The following JPH2 variants were observed in gnomAD, a reference collection of about 807,000 sequenced individuals.
JPH2 encodes junctophilin-2.
A neutral mutation model predicts 55.9 loss-of-function variants in JPH2; 38 were observed. The observed-to-expected ratio is 0.68, with a 90% CI of 0.52 to 0.89. The LOEUF (loss-of-function observed/expected upper bound fraction) is 0.89, where lower values mean the gene tolerates loss of function less well. Ranked by LOEUF, JPH2 falls within the 40% of genes least tolerant of loss-of-function variation. The pLI, the probability that JPH2 is intolerant of heterozygous loss-of-function variation, is 0.00. For missense variants in JPH2, 964 were observed against 1,037.6 expected, an observed-to-expected ratio of 0.93 and a Z score of 0.97; for synonymous variants, 480 against 472.4, an observed-to-expected ratio of 1.02 and a Z score of -0.21.
rs2072209193 is a variant in JPH2, at chr20:44,118,414, C to T, written c.1288+91G>A. 8 of 1,013,588 alleles carry T rather than the reference C, an allele frequency of 7.9e-6. No homozygotes were observed. In the South Asian group the frequency reaches 1.0e-4, roughly 13 times the overall value. The allele number at this position is 1,013,588 out of a possible 1,614,324, so 62.8% of individuals were successfully genotyped here. ...CTGAGACTCACGGGCATCCAGGAAA[C>T]CACTTGGGCATCTCAGATTCCAGTA... On this transcript the variant is annotated intron_variant, in intron 3 of 5. Transcript: ENST00000372980.
In JPH2 at chr20:44,115,723, T is replaced by C; in HGVS notation, c.1952A>G (p.Lys651Arg). ...TGCGGCCTCCTTCCGCGCCTTCTTCTTGGCCCCCGCCTTGGTCAGCCCTCG... is the reference window on the plus strand; with the variant it reads ...TGCGGCCTCCTTCCGCGCCTTCTTCCTGGCCCCCGCCTTGGTCAGCCCTCG... Reference protein sequence around the residue: ...EARGLTKAGAKKKARKEAALA... With the variant: ...EARGLTKAGARKKARKEAALA... Residue 651 changes from lysine to arginine, a missense_variant, in exon 4 of 6, where the codon AAG becomes AGG. Lys to Arg is a conservative substitution (Grantham distance 26). Transcript: ENST00000372980. The C allele has an allele frequency of 6.2e-7, 1 of 1,613,662 alleles. No homozygotes were observed. Among genetic ancestry groups the C allele is most frequent in the Non-Finnish European group, 8.5e-7 (1 of 1,180,000 alleles).
At chr20:44,181,991 G>T (rs1337421941) in intron 1 of JPH2, among the ~76,000 whole-genome samples, 1 of 152,194 alleles carries the variant, frequency 6.6e-6, no homozygotes, top group African/African-American at 2.4e-5. Flanking sequence ...TTTACTGGAT[G>T]AATTAATAAT....
At chr20:44,163,049 T>C (rs1207856857) in intron 1 of JPH2, among the ~76,000 whole-genome samples, 4 of 151,986 alleles carry the variant, frequency 2.6e-5, no homozygotes, top group African/African-American at 7.3e-5. Context: ...ATTTTTCCCA[T>C]AGCACGTATC....
At chr20:44,158,646 T>C (rs1356228255) in intron 2 of JPH2, among the ~76,000 whole-genome samples, 7 of 152,168 alleles carry the variant, frequency 4.6e-5, no homozygotes, top group African/African-American at 1.4e-4. Context: ...GGTTTGAATG[T>C]AGATGATAGG....
intron 1 of JPH2, 54 bp downstream of exon 1, chr20:44,186,273 T>G: frequency 3.2e-6 from 5 of 1,586,766 alleles, no homozygotes; most frequent in Non-Finnish European, 4.3e-6. Flanking sequence ...TCCACCAGGG[T>G]TTCTCACCCT....
In JPH2 at chr20:44,186,346, G is replaced by A. The variant is rs1395814897; in HGVS notation, c.360C>T (p.Thr120=). Residue 120 remains threonine (T), a synonymous_variant, in exon 1 of 6, where the codon ACC becomes ACT. Transcript: ENST00000372980. Reference sequence around the variant, plus strand: ...CCTCACCTCCATCAGCATAGGTCTCGGTGCCATAGCCGTCTTGCAGGCCAT... The same window carrying A: ...CCTCACCTCCATCAGCATAGGTCTCAGTGCCATAGCCGTCTTGCAGGCCAT... ...WNNGLQDGYG[T]ETYADGGTYQ... The A allele has an allele frequency of 1.2e-6, 2 of 1,611,824 alleles. No individual in the cohort carries two copies. The highest frequency in any genetic ancestry group is 1.7e-6 in the Non-Finnish European group (2 of 1,179,926).
intron 3 of JPH2, among the ~76,000 whole-genome samples, chr20:44,117,431 T>C (rs1244683709): frequency 6.6e-6 from 1 of 152,250 alleles, no homozygotes; most frequent in Non-Finnish European, 1.5e-5. Context: ...CAGCCTACTT[T>C]GTGATGTGGC....
intron 2 of JPH2, among the ~76,000 whole-genome samples, chr20:44,157,086 C>T (rs189036919): frequency 7.8e-4 from 118 of 152,250 alleles, no homozygotes; most frequent in African/African-American, 2.7e-3. Flanking sequence ...ATTCATTGTA[C>T]GATGACAATG....
Position 44,156,051 on chromosome 20 carries a change from T to C in JPH2, c.1169+3567A>G, listed in dbSNP as rs535438695. On this transcript the variant is annotated intron_variant, in intron 2 of 5. Transcript: ENST00000372980. The stretch of plus-strand genomic sequence containing the variant: ...ACCCTGCCTCAAAAAAAAAAAAAAC[T>C]GTCAAGGACACACAAAAAAAGCAAA... Among the ~76,000 whole-genome samples the C allele has an allele frequency of 1.2e-3, 158 of 129,100 alleles. 1 individual carries two copies. Among genetic ancestry groups the C allele is most frequent in the African/African-American group, 4.2e-3 (152 of 35,898 alleles). 84.7% of individuals were successfully genotyped at this position (129,100 alleles called of 152,430 possible). A position where few individuals can be genotyped will look rare whatever the true frequency, so the allele number is the denominator to read the frequency against.
At chr20:44,131,712 G>C (rs2072320522) in intron 2 of JPH2, among the ~76,000 whole-genome samples, 1 of 152,070 alleles carries the variant, frequency 6.6e-6, no homozygotes. Flanking sequence ...TCATTTAATT[G>C]TTCAACCATT....
intron 1 of JPH2, among the ~76,000 whole-genome samples, chr20:44,184,619 T>A (rs190855650): frequency 1.3e-3 from 196 of 152,220 alleles, no homozygotes; most frequent in Non-Finnish European, 2.0e-3. Context: ...CTTAGCTAAG[T>A]GATATGTCCA....
rs113991343 is a variant in JPH2, at chr20:44,185,469, A to AAAAT, written c.379+857_379+858insATTT. 3.6e-3 allele frequency among the ~76,000 whole-genome samples: 542 copies of AAAAT among 149,688 alleles called. 12 individuals carry two copies. In the East Asian group the frequency reaches 0.049, roughly 13 times the overall value. ...AAAAGCCCTGTCTCTACAAAAAAAAAAATAATAATACAAAAATTAGCCAGG... is the reference window on the plus strand; with the variant it reads ...AAAAGCCCTGTCTCTACAAAAAAAAAAAATAATAATAATACAAAAATTAGCCAGG... On this transcript the variant is annotated intron_variant, in intron 1 of 5. Coordinates refer to ENST00000372980, the MANE Select transcript of JPH2 (RefSeq NM_020433.5).
chr20:44,129,089 T>C (rs1600836958), intron 2 of JPH2, among the ~76,000 whole-genome samples: 1 of 151,966 alleles, frequency 6.6e-6, no homozygotes, highest in East Asian at 1.9e-4. Context: ...GTAAGGGTGG[T>C]GTTGGGGATT....
intron 2 of JPH2, among the ~76,000 whole-genome samples, chr20:44,148,990 C>A (rs932286546): frequency 4.6e-5 from 7 of 151,584 alleles, no homozygotes; most frequent in African/African-American, 1.7e-4. Context: ...TGGCGTGAAC[C>A]TGGTAGGCGG....
intron 1 of JPH2, among the ~76,000 whole-genome samples, chr20:44,166,871 C>T (rs945737860): frequency 3.3e-5 from 5 of 152,224 alleles, no homozygotes; most frequent in Non-Finnish European, 5.9e-5. Flanking sequence ...GCTTTGTAAA[C>T]CCTGCAGGGC....
At chr20:44,175,414 C>A (rs557426330) in intron 1 of JPH2, among the ~76,000 whole-genome samples, 3 of 152,368 alleles carry the variant, frequency 2.0e-5, no homozygotes, top group East Asian at 1.9e-4. Flanking sequence ...ATTTAGACTG[C>A]GTTACATTTT....
intron 1 of JPH2, among the ~76,000 whole-genome samples, chr20:44,167,000 C>T (rs1256996806): frequency 1.3e-5 from 2 of 152,194 alleles, no homozygotes; most frequent in Non-Finnish European, 2.9e-5. Flanking sequence ...ACTCGCCTTC[C>T]CACCTTGGGG....
Position 44,177,789 on chromosome 20 carries a change from A to T in JPH2, c.379+8538T>A, listed in dbSNP as rs2064381. 840,059 of 1,519,354 alleles carry T rather than the reference A, an allele frequency of 0.55. 236,500 individuals are homozygous for T. Among genetic ancestry groups the T allele is most frequent in the East Asian group, 0.83 (34,917 of 42,228 alleles). 94.1% of individuals were successfully genotyped at this position (1,519,354 alleles called of 1,614,324 possible). A position where few individuals can be genotyped will look rare whatever the true frequency, so the allele number is the denominator to read the frequency against. On this transcript the variant is annotated intron_variant, in intron 1 of 5. Transcript: ENST00000372980. ...GTCAAAAACTCGTTTTTGTCCTCAA[A>T]TATCCTCCCGAAGACAGTGACAGCT...
At position 44,186,756 on chromosome 20, in the gene JPH2, G is replaced by A; in HGVS notation, c.-51C>T. ...CCGTCCTCCAGCGTGGGTGCAGAGG[G>A]CGTGGGTGATGCCTGCAACACTCCT... On this transcript the variant is annotated 5_prime_UTR_variant, in exon 1 of 6. Transcript: ENST00000372980. 3.8e-6 allele frequency: 6 copies of A among 1,573,082 alleles called. No individual in the cohort carries two copies. Among genetic ancestry groups the A allele is most frequent in the Middle Eastern group, 2.2e-4 (1 of 4,520 alleles).
Sources: gnomAD v4.1 joint callset for allele counts (sites outside exome capture counted in the v4.1 genomes callset) on GRCh38, gnomAD v4.1.1 for gene constraint, MANE v1.5 for transcripts, NCBI Gene and HGNC (gene_info 2026-07-23, HGNC 2026-07-21) for gene names.